Variants in NXPH1 observed in about 807,000 individuals in gnomAD.
NXPH1 encodes the protein neurexophilin-1.
Under a neutral mutation model 23.7 loss-of-function variants are expected in NXPH1, and 5 were observed. The observed-to-expected ratio is 0.21, with a 90% CI of 0.11 to 0.44. The LOEUF (loss-of-function observed/expected upper bound fraction) is 0.44, where lower values mean the gene tolerates loss of function less well. NXPH1 is among the 20% of genes least tolerant of loss of function. The pLI is 0.99. For synonymous variants in NXPH1, 144 were observed against 122.2 expected, an observed-to-expected ratio of 1.18 and a Z score of -1.18; for missense variants, 324 against 321.6, an observed-to-expected ratio of 1.01 and a Z score of -0.06.
chr7:8,509,811 T>A (rs1178640626), intron 2 of NXPH1, among the ~76,000 whole-genome samples: 1 of 152,156 alleles, frequency 6.6e-6, no homozygotes, highest in African/African-American at 2.4e-5. Flanking sequence ...GTGAAAAATG[T>A]CTCATCAATG....
chr7:8,588,253 T>A (rs1819019157), intron 2 of NXPH1, among the ~76,000 whole-genome samples: 1 of 152,172 alleles, frequency 6.6e-6, no homozygotes, highest in South Asian at 2.1e-4. Flanking sequence ...ACTGGGTATA[T>A]ACCCAAAGGG....
chr7:8,732,022 G>C (rs568273058), intron 2 of NXPH1, among the ~76,000 whole-genome samples: 1 of 152,252 alleles, frequency 6.6e-6, no homozygotes, highest in African/African-American at 2.4e-5. Flanking sequence ...CTCCGAGCCA[G>C]GTGCGGGATA....
chr7:8,556,413 A>T (rs1454969776), intron 2 of NXPH1, among the ~76,000 whole-genome samples: 1 of 151,650 alleles, frequency 6.6e-6, no homozygotes. Context: ...CTGGCTGTCA[A>T]GTTGGTTCCG....
intron 2 of NXPH1, among the ~76,000 whole-genome samples, chr7:8,534,520 C>T (rs1472866285): frequency 6.6e-6 from 1 of 152,012 alleles, no homozygotes; most frequent in Non-Finnish European, 1.5e-5. Context: ...GGATAGGAGG[C>T]TCTGGAATGA....
chr7:8,675,967 T>G (rs1820945106), intron 2 of NXPH1, among the ~76,000 whole-genome samples: 1 of 152,188 alleles, frequency 6.6e-6, no homozygotes, highest in Admixed American at 6.5e-5. Context: ...TATCTAGTTT[T>G]CTATACTGTT....
intron 2 of NXPH1, among the ~76,000 whole-genome samples, chr7:8,749,412 C>G (rs535821738): frequency 6.6e-6 from 1 of 152,324 alleles, no homozygotes; most frequent in South Asian, 2.1e-4. Flanking sequence ...TATGGTCTTG[C>G]TCTCCAGGGA....
chr7:8,565,678 A>G (rs1818531678), intron 2 of NXPH1, among the ~76,000 whole-genome samples: 1 of 151,774 alleles, frequency 6.6e-6, no homozygotes. Context: ...AAACTTTATA[A>G]TTTTATTTTT....
intron 2 of NXPH1, among the ~76,000 whole-genome samples, chr7:8,556,488 C>T (rs1818360344): frequency 6.6e-6 from 1 of 151,616 alleles, no homozygotes; most frequent in Admixed American, 6.6e-5. Context: ...CATGTGGGCC[C>T]CTCCACCAGG....
chr7:8,648,681 A>T (rs1198927587), intron 2 of NXPH1, among the ~76,000 whole-genome samples: 1 of 152,214 alleles, frequency 6.6e-6, no homozygotes, highest in Non-Finnish European at 1.5e-5. Context: ...CTTGAGAATA[A>T]TGTTTATTAT....
At chr7:8,601,425 C>T (rs906821754) in intron 2 of NXPH1, among the ~76,000 whole-genome samples, 1 of 152,148 alleles carries the variant, frequency 6.6e-6, no homozygotes, top group African/African-American at 2.4e-5. Flanking sequence ...TGCTACCAAA[C>T]TGGTGTATCC....
chr7:8,637,690 C>T (rs1440503907), intron 2 of NXPH1, among the ~76,000 whole-genome samples: 1 of 152,156 alleles, frequency 6.6e-6, no homozygotes, highest in Non-Finnish European at 1.5e-5. Flanking sequence ...CTTTGAGCTA[C>T]TTTGGCCTTT....
At chr7:8,744,894 C>CT (rs1306938883) in intron 2 of NXPH1, among the ~76,000 whole-genome samples, 2 of 152,162 alleles carry the variant, frequency 1.3e-5, no homozygotes, top group Non-Finnish European at 2.9e-5. Flanking sequence ...AGGTTCACTT[C>CT]TTTTTCAAAT....
At chr7:8,697,443 G>C (rs967978853) in intron 2 of NXPH1, among the ~76,000 whole-genome samples, 1 of 152,154 alleles carries the variant, frequency 6.6e-6, no homozygotes, top group African/African-American at 2.4e-5. Context: ...GACTGCAATA[G>C]TAGCCATGGC....
intron 2 of NXPH1, among the ~76,000 whole-genome samples, chr7:8,546,633 G>T (rs756424687): frequency 6.6e-6 from 1 of 151,286 alleles, no homozygotes; most frequent in Non-Finnish European, 1.5e-5. Flanking sequence ...AACTTAGGTT[G>T]CAGGAACCTA....
chr7:8,547,597 G>A (rs1188868824), intron 2 of NXPH1, among the ~76,000 whole-genome samples: 1 of 151,382 alleles, frequency 6.6e-6, no homozygotes, highest in Admixed American at 6.6e-5. Context: ...TGCCCAAATA[G>A]TGAATATTGT....
chr7:8,545,956 G>T (rs1311992511), intron 2 of NXPH1, among the ~76,000 whole-genome samples: 1 of 151,446 alleles, frequency 6.6e-6, no homozygotes, highest in Non-Finnish European at 1.5e-5. Context: ...TAGGCTAAAT[G>T]CTCACAGTGG....
At chr7:8,497,435 A>G (rs544048300) in intron 2 of NXPH1, among the ~76,000 whole-genome samples, 9 of 152,312 alleles carry the variant, frequency 5.9e-5, no homozygotes, top group African/African-American at 2.2e-4. Context: ...AGGAATTGCC[A>G]CACTGTCTTC....
At position 8,696,658 on chromosome 7, in the gene NXPH1, T is replaced by A. The variant is rs78663571; in HGVS notation, c.55-54350T>A. On this transcript the variant is annotated intron_variant, in intron 2 of 2. Coordinates refer to ENST00000405863, the MANE Select transcript of NXPH1 (RefSeq NM_152745.3). Reference sequence around the variant, plus strand: ...GTCTTAGGGCTGAAATGAGTGTGACTTTGTCTTTTATCAGAAAGAAGGCAA... The same window carrying A: ...GTCTTAGGGCTGAAATGAGTGTGACATTGTCTTTTATCAGAAAGAAGGCAA... 7.7e-3 allele frequency among the ~76,000 whole-genome samples: 1,176 copies of A among 152,142 alleles called. 17 individuals carry two copies. Among genetic ancestry groups the A allele is most frequent in the African/African-American group, 0.027 (1,100 of 41,496 alleles).
intron 2 of NXPH1, among the ~76,000 whole-genome samples, chr7:8,595,629 T>C (rs1419659709): frequency 3.3e-5 from 5 of 152,092 alleles, no homozygotes; most frequent in Non-Finnish European, 5.9e-5. Flanking sequence ...ATGCTGCAAC[T>C]TCTGACAATT....
Sources: gnomAD v4.1 joint callset for allele counts (sites outside exome capture counted in the v4.1 genomes callset) on GRCh38, gnomAD v4.1.1 for gene constraint, MANE v1.5 for transcripts, NCBI Gene and HGNC (gene_info 2026-07-23, HGNC 2026-07-21) for gene names.